The following TDRD5 variants were observed in gnomAD, a reference collection of about 807,000 sequenced individuals.
The protein encoded by TDRD5 is tudor domain containing 5, also known as tudor domain-containing protein 5.
TDRD5 carries 41 observed loss-of-function variants against 120.6 expected under a neutral mutation model. The observed-to-expected ratio is 0.34, with a 90% confidence interval of 0.26 to 0.44. The LOEUF is 0.44. Among genes scored for constraint, TDRD5 ranks in the 20% least tolerant of loss-of-function variants. The pLI, the probability that TDRD5 is intolerant of heterozygous loss-of-function variation, is 1.00. For missense variants in TDRD5, 1,006 were observed against 1,221.2 expected (o/e 0.82, Z 2.63); for synonymous variants, 430 against 433.7 (o/e 0.99, Z 0.11).
chr1:179,670,387 GTCTCAAAAAAAAAAA>G (rs1558421065), intron 17 of TDRD5, among the ~76,000 whole-genome samples: 4 of 147,396 alleles, frequency 2.7e-5, no homozygotes, highest in African/African-American at 1.0e-4. Context: ...GTGAGACTCC[GTCTCAAAAAAAAAAA>G]AAAAATTATA....
At chr1:179,648,145 C>A (rs1265960118) in intron 11 of TDRD5, among the ~76,000 whole-genome samples, 1 of 146,258 alleles carries the variant, frequency 6.8e-6, no homozygotes, top group African/African-American at 2.5e-5. Flanking sequence ...GACACATGCA[C>A]ACGTATGTTT....
At chr1:179,592,511 G>A (rs1438888719) in intron 1 of TDRD5, 91 bp from the exon 2 acceptor site, 2 of 1,013,714 alleles carry the variant, frequency 2.0e-6, no homozygotes, top group Non-Finnish European at 2.9e-6. Context: ...TAAAACTGGA[G>A]TCTCAGTTAT....
At chr1:179,690,601 T>C (rs1681092935) in intron 17 of TDRD5, 95 bp from the exon 18 acceptor site, 2 of 1,497,638 alleles carry the variant, frequency 1.3e-6, no homozygotes, top group Non-Finnish European at 8.9e-7. Flanking sequence ...AGAAAATGAT[T>C]GTAACACATA....
intron 4 of TDRD5, among the ~76,000 whole-genome samples, chr1:179,615,081 TTGACTTTTA>T (rs1676492643): frequency 1.3e-5 from 2 of 152,244 alleles, no homozygotes; most frequent in African/African-American, 2.4e-5. Context: ...GTCTACAAGT[TTGACTTTTA>T]TGCACTTCCC....
At chr1:179,688,090 A>C (rs1432596581) in intron 17 of TDRD5, among the ~76,000 whole-genome samples, 2 of 152,148 alleles carry the variant, frequency 1.3e-5, no homozygotes, top group East Asian at 1.9e-4. Flanking sequence ...TGTCATTATG[A>C]TGTTAGCTGG....
chr1:179,600,861 T>G (rs987053026), intron 4 of TDRD5, among the ~76,000 whole-genome samples: 2 of 152,190 alleles, frequency 1.3e-5, no homozygotes, highest in Non-Finnish European at 2.9e-5. Flanking sequence ...CTAATCTCCC[T>G]TTTGGTTTTT....
At chr1:179,659,550 CGTGTGT>C (rs71569263) in intron 14 of TDRD5, among the ~76,000 whole-genome samples, 7,762 of 129,784 alleles carry the variant, frequency 0.06, 312 homozygotes, top group Non-Finnish European at 0.086. Context: ...TTCCAGTTTT[CGTGTGT>C]GTGTGTGTGT....
rs192575816 is a variant in TDRD5, at chr1:179,674,298, G to A, written c.2860+4894G>A. On this transcript the variant is annotated intron_variant, in intron 17 of 17. Transcript: ENST00000444136. ...AAATGCTTTTTCTGCATCTATTGAG[G>A]TGATCAAGTGATTTTTGTTTTTAAT... 1.6e-3 allele frequency among the ~76,000 whole-genome samples: 247 copies of A among 152,300 alleles called. 2 individuals are homozygous for A. Among genetic ancestry groups the A allele is most frequent in the African/African-American group, 5.8e-3 (242 of 41,560 alleles).
At chr1:179,609,187 C>G (rs775941742) in intron 4 of TDRD5, among the ~76,000 whole-genome samples, 1 of 152,078 alleles carries the variant, frequency 6.6e-6, no homozygotes, top group Non-Finnish European at 1.5e-5. Context: ...TTGGGTAGTA[C>G]AGGTCAAATA....
rs1678759594 is a variant in TDRD5 at position 179,652,205 on chromosome 1, AT to A, written c.2160+13del. ...AGTGAGTTACGTATCTTGGTAAGAG[AT>A]TTTTGCAAATACTATTATAATTCTT... On this transcript the variant is annotated intron_variant, in intron 13 of 17. Transcript: ENST00000444136. 6.3e-7 allele frequency: 1 copy of A among 1,592,030 alleles called. No individual in the cohort carries two copies. Among genetic ancestry groups the A allele is most frequent in the Non-Finnish European group, 8.5e-7 (1 of 1,174,360 alleles).
intron 5 of TDRD5, among the ~76,000 whole-genome samples, chr1:179,619,889 G>A (rs1676757842): frequency 6.6e-6 from 1 of 152,150 alleles, no homozygotes; most frequent in Admixed American, 6.5e-5. Context: ...CAAAGGCTGG[G>A]ATTACAAGAG....
In TDRD5 at chr1:179,641,074, ATATAAT is replaced by A. The variant is rs138473207; in HGVS notation, c.1800+639_1800+644del. 2.2e-3 allele frequency among the ~76,000 whole-genome samples: 338 copies of A among 152,182 alleles called. 6 individuals are homozygous for A. Among genetic ancestry groups the A allele is most frequent in the African/African-American group, 7.7e-3 (319 of 41,530 alleles). On this transcript the variant is annotated intron_variant, in intron 11 of 17. Transcript: ENST00000444136. The stretch of plus-strand genomic sequence containing the variant: ...CATTTTCATGTATGTAGGTGCATTT[ATATAAT>A]TATAATTATTTTATGTACCTAACTT...
intron 17 of TDRD5, among the ~76,000 whole-genome samples, chr1:179,679,325 C>A (rs1680307551): frequency 6.6e-6 from 1 of 151,900 alleles, no homozygotes; most frequent in Admixed American, 6.6e-5. Context: ...CTATAGTTTT[C>A]TTTTTTTATA....
intron 15 of TDRD5, 151 bp from the exon 16 acceptor site, chr1:179,663,197 C>A: frequency 1.2e-6 from 1 of 843,246 alleles, no homozygotes; most frequent in Non-Finnish European, 1.7e-6. Flanking sequence ...ACCAATAAAG[C>A]AAGGAGGAAA....
At chr1:179,605,818 A>T (rs1045602905) in intron 4 of TDRD5, among the ~76,000 whole-genome samples, 1 of 152,094 alleles carries the variant, frequency 6.6e-6, no homozygotes, top group Non-Finnish European at 1.5e-5. Flanking sequence ...CTTGGCACTG[A>T]GTAATATTCC....
intron 4 of TDRD5, among the ~76,000 whole-genome samples, chr1:179,597,178 T>C (rs896416233): frequency 5.9e-5 from 9 of 152,204 alleles, no homozygotes; most frequent in Non-Finnish European, 1.2e-4. Context: ...AATTTACATA[T>C]TCTAGATGTA....
intron 15 of TDRD5, among the ~76,000 whole-genome samples, chr1:179,662,897 C>T (rs1165979624): frequency 6.6e-6 from 1 of 152,180 alleles, no homozygotes; most frequent in Non-Finnish European, 1.5e-5. Flanking sequence ...AAACCATTTT[C>T]TCTAATTCTA....
At chr1:179,685,474 G>A (rs896882256) in intron 17 of TDRD5, among the ~76,000 whole-genome samples, 14 of 152,140 alleles carry the variant, frequency 9.2e-5, no homozygotes, top group East Asian at 1.9e-4. Context: ...GTCAGGTAGC[G>A]TGAAGCCTCC....
intron 5 of TDRD5, among the ~76,000 whole-genome samples, chr1:179,620,371 T>C (rs1676778545): frequency 1.3e-5 from 2 of 152,154 alleles, no homozygotes; most frequent in African/African-American, 4.8e-5. Flanking sequence ...ATTGAACTAG[T>C]ATGCAGAACT....
Sources: allele counts gnomAD v4.1 joint callset (sites outside exome capture counted in the v4.1 genomes callset), GRCh38; gene constraint gnomAD v4.1.1; transcripts MANE v1.5; gene names NCBI Gene and HGNC (gene_info 2026-07-23, HGNC 2026-07-21).